FHOD3: variants seen among roughly 807,000 people sequenced by gnomAD.
FHOD3 encodes formin homology 2 domain containing 3.
Under a neutral mutation model 173.0 loss-of-function variants are expected in FHOD3, and 90 were observed. The ratio of observed to expected loss-of-function variants is 0.52; its 90% CI spans 0.44 to 0.62. FHOD3 has a LOEUF of 0.62. FHOD3 is among the 20% of genes least tolerant of loss of function. The pLI, the probability that FHOD3 is intolerant of heterozygous loss-of-function variation, is 0.00. For synonymous variants in FHOD3, 828 were observed against 823.0 expected (o/e 1.01, Z -0.10); for missense variants, 1,945 against 2,034.7 (o/e 0.96, Z 0.85).
chr18:36,598,967 A>C (rs1386398913), intron 7 of FHOD3, among the ~76,000 whole-genome samples: 1 of 152,204 alleles, frequency 6.6e-6, no homozygotes, highest in Admixed American at 6.5e-5. Flanking sequence ...TTAATATCAG[A>C]CCACTGGATC....
At chr18:36,749,165 G>A (rs745976263) in intron 24 of FHOD3, among the ~76,000 whole-genome samples, 13 of 152,142 alleles carry the variant, frequency 8.5e-5, no homozygotes, top group Non-Finnish European at 1.6e-4. Flanking sequence ...TGTTTTGGAT[G>A]TTCAAACCTG....
chr18:36,510,881 TC>T (rs1337479655), intron 4 of FHOD3, among the ~76,000 whole-genome samples: 2 of 152,096 alleles, frequency 1.3e-5, no homozygotes, highest in East Asian at 3.9e-4. Context: ...CACCCACCCT[TC>T]CCCCCAGGTC....
intron 6 of FHOD3, among the ~76,000 whole-genome samples, chr18:36,579,924 AAAG>A (rs1471761813): frequency 1.3e-5 from 2 of 152,110 alleles, no homozygotes; most frequent in African/African-American, 2.4e-5. Flanking sequence ...CGGAGGAGGA[AAAG>A]AAGAAGAGCA....
At chr18:36,366,572 T>G (rs2145962500) in intron 2 of FHOD3, among the ~76,000 whole-genome samples, 1 of 152,310 alleles carries the variant, frequency 6.6e-6, no homozygotes. Context: ...CACAGCTGGC[T>G]TCAGAGTCGA....
At chr18:36,377,013 G>A (rs1346420540) in intron 3 of FHOD3, among the ~76,000 whole-genome samples, 1 of 152,222 alleles carries the variant, frequency 6.6e-6, no homozygotes, top group East Asian at 1.9e-4. Flanking sequence ...TTACACTGGT[G>A]GTGATGGAGG....
At position 36,649,424 on chromosome 18, in the gene FHOD3, T is replaced by C; in HGVS notation, c.1286+19T>C. ...AGGACAGGTACCTAGGACTGGAGCC[T>C]CCCAAGCTCACACTAAAAGTGGGAG... On this transcript the variant is annotated intron_variant, in intron 11 of 28. Coordinates refer to ENST00000590592, the MANE Select transcript of FHOD3 (RefSeq NM_001281740.3). 2 of 1,524,200 alleles carry C rather than the reference T, an allele frequency of 1.3e-6. No homozygotes were observed. Among genetic ancestry groups the C allele is most frequent in the Non-Finnish European group, 1.8e-6 (2 of 1,137,530 alleles). 94.4% of individuals were successfully genotyped at this position (1,524,200 alleles called of 1,614,324 possible). A position where few individuals can be genotyped will look rare whatever the true frequency, so the allele number is the denominator to read the frequency against.
intron 4 of FHOD3, among the ~76,000 whole-genome samples, chr18:36,511,910 C>T (rs2055676450): frequency 6.6e-6 from 1 of 152,218 alleles, no homozygotes; most frequent in Non-Finnish European, 1.5e-5. Context: ...CATGCTTGTC[C>T]TACAGGCAGC....
In FHOD3 at chr18:36,744,166, G is replaced by T. The variant is rs754399962; in HGVS notation, c.4014G>T (p.Glu1338Asp). ...CAGACAGCTCCGATCTGTACTCGGA[G>T]ATCGGGGCCATCACCAGGTCAGCCA... ...NFPDSSDLYS[E>D]IGAITRSAKV... Residue 1338 changes from glutamate (E) to aspartate (D), a missense_variant, in exon 23 of 29, where the codon GAG becomes GAT. Coordinates refer to ENST00000590592, the MANE Select transcript of FHOD3 (RefSeq NM_001281740.3). 6.2e-7 allele frequency: 1 copy of T among 1,613,808 alleles called. No individual in the cohort carries two copies. Among genetic ancestry groups the T allele is most frequent in the Non-Finnish European group, 8.5e-7 (1 of 1,179,868 alleles).
Position 36,697,082 on chromosome 18 carries a change from A to G in FHOD3, c.2236+3659A>G, listed in dbSNP as rs544586616. 4.0e-4 allele frequency among the ~76,000 whole-genome samples: 61 copies of G among 152,324 alleles called. 1 individual carries two copies. In the South Asian group the frequency reaches 0.011, roughly 26 times the overall value. ...AGTTCTTCAACATAATTCTTGAGAA[A>G]GTTTCTCTGAGGATGAAAACTAATA... On this transcript the variant is annotated intron_variant, in intron 17 of 28. Transcript: ENST00000590592.
At chr18:36,490,369 T>C (rs1452131035) in intron 3 of FHOD3, among the ~76,000 whole-genome samples, 2 of 152,124 alleles carry the variant, frequency 1.3e-5, no homozygotes, top group African/African-American at 4.8e-5. Context: ...GGAAAAATAG[T>C]GTCCTATGAA....
intron 3 of FHOD3, among the ~76,000 whole-genome samples, chr18:36,481,891 A>G (rs1440647138): frequency 6.6e-6 from 1 of 152,214 alleles, no homozygotes; most frequent in Non-Finnish European, 1.5e-5. Context: ...TCTAGTTGAA[A>G]GTGAGAACAA....
chr18:36,682,028 G>A (rs1386339438), intron 15 of FHOD3, among the ~76,000 whole-genome samples: 2 of 152,116 alleles, frequency 1.3e-5, no homozygotes, highest in South Asian at 2.1e-4. Flanking sequence ...CTTGCTATGT[G>A]GGGGGAAAAG....
Position 36,512,523 on chromosome 18 carries a change from A to G in FHOD3, c.491A>G (p.Tyr164Cys). ...IKVGAEADQNYQNYILRALGQ... is the reference protein window; with the variant it reads ...IKVGAEADQNCQNYILRALGQ... The stretch of plus-strand genomic sequence containing the variant: ...GTGGGAGCTGAGGCTGATCAGAACT[A>G]TCAGAACTACATCTTAAGGGGTAAG... The change falls in exon 5 of 29, where the codon TAT (tyrosine) becomes TGT (cysteine). Residue 164 changes from tyrosine to cysteine, a missense_variant. By Grantham distance (194) the Tyr-to-Cys change is radical (BLOSUM62 -2). Around this residue, in one of 5 missense-constraint regions of FHOD3, gnomAD observed 245 missense variants for 267.7 expected, o/e 0.92. Coordinates refer to ENST00000590592, the MANE Select transcript of FHOD3 (RefSeq NM_001281740.3). 5 of 1,613,890 alleles carry G rather than the reference A, an allele frequency of 3.1e-6. No individual in the cohort carries two copies. Among genetic ancestry groups the G allele is most frequent in the Non-Finnish European group, 4.2e-6 (5 of 1,179,840 alleles).
intron 3 of FHOD3, among the ~76,000 whole-genome samples, chr18:36,489,436 T>C (rs1428749301): frequency 1.3e-5 from 2 of 152,144 alleles, no homozygotes; most frequent in Admixed American, 1.3e-4. Flanking sequence ...GTGCAGTGGC[T>C]CACTCCTGTA....
At chr18:36,325,554 A>T (rs2044627653) in intron 1 of FHOD3, among the ~76,000 whole-genome samples, 1 of 152,174 alleles carries the variant, frequency 6.6e-6, no homozygotes, top group Non-Finnish European at 1.5e-5. Flanking sequence ...CAGAATAGCC[A>T]TTTCTGTGGC....
At chr18:36,443,321 A>G (rs776120745) in intron 3 of FHOD3, among the ~76,000 whole-genome samples, 2 of 152,220 alleles carry the variant, frequency 1.3e-5, no homozygotes, top group Non-Finnish European at 2.9e-5. Flanking sequence ...ATTAATTAGA[A>G]TTCTACTGTA....
At chr18:36,369,067 C>A (rs187385179) in intron 2 of FHOD3, among the ~76,000 whole-genome samples, 2 of 152,240 alleles carry the variant, frequency 1.3e-5, no homozygotes, top group Non-Finnish European at 2.9e-5. Context: ...TAAATGTTAA[C>A]AACTATTATT....
chr18:36,769,792 T>A (rs2043295695), intron 28 of FHOD3, among the ~76,000 whole-genome samples: 1 of 152,046 alleles, frequency 6.6e-6, no homozygotes, highest in Non-Finnish European at 1.5e-5. Context: ...GGAGGCTGTG[T>A]TTCTGCCCTG....
intron 3 of FHOD3, among the ~76,000 whole-genome samples, chr18:36,442,968 C>T (rs1324027807): frequency 6.6e-6 from 1 of 152,130 alleles, no homozygotes; most frequent in Non-Finnish European, 1.5e-5. Flanking sequence ...TAGAATGGCC[C>T]TCAAGCTTGG....
Sources: gnomAD v4.1 joint callset for allele counts (sites outside exome capture counted in the v4.1 genomes callset) on GRCh38, gnomAD v4.1.1 for gene constraint, gnomAD v4.1.1 regional missense constraint, MANE v1.5 for transcripts, NCBI Gene and HGNC (gene_info 2026-07-23, HGNC 2026-07-21) for gene names.